Variants in CNTN1 observed in about 807,000 individuals in gnomAD.
CNTN1 encodes the protein contactin 1, also known as contactin-1.
A neutral mutation model predicts 126.4 loss-of-function variants in CNTN1; 38 were observed. The ratio of observed to expected loss-of-function variants is 0.30; its 90% CI spans 0.23 to 0.39. The LOEUF (loss-of-function observed/expected upper bound fraction) is 0.39. Among genes scored for constraint, CNTN1 ranks in the 10% least tolerant of loss-of-function variants. The pLI, the probability that CNTN1 is intolerant of heterozygous loss-of-function variation, is 1.00. For missense variants in CNTN1, 1,009 were observed against 1,248.4 expected (o/e 0.81, Z 2.89); for synonymous variants, 413 against 422.6 (o/e 0.98, Z 0.28).
chr12:40,893,628 C>T (rs1297861658), intron 1 of CNTN1, among the ~76,000 whole-genome samples: 1 of 152,076 alleles, frequency 6.6e-6, no homozygotes, highest in East Asian at 1.9e-4. Flanking sequence ...TTACTGCTTC[C>T]TCCCCTTATT....
intron 1 of CNTN1, among the ~76,000 whole-genome samples, chr12:40,839,145 T>C (rs1241727667): frequency 6.6e-6 from 1 of 152,106 alleles, no homozygotes; most frequent in Non-Finnish European, 1.5e-5. Context: ...CATTTGAAAG[T>C]ATCAAAACTG....
chr12:40,819,001 G>C (rs1257519549), intron 1 of CNTN1, among the ~76,000 whole-genome samples: 1 of 152,134 alleles, frequency 6.6e-6, no homozygotes, highest in African/African-American at 2.4e-5. Context: ...ATTCACTCCT[G>C]TGCCTGCAGA....
chr12:40,706,635 A>G (rs1206169965), intron 1 of CNTN1, among the ~76,000 whole-genome samples: 1 of 110,428 alleles, frequency 9.1e-6, no homozygotes, highest in Non-Finnish European at 2.0e-5. Context: ...AAGTAAACAA[A>G]GAGAATATTT....
chr12:41,045,791 AAAAT>A (rs1949527660), intron 23 of CNTN1, among the ~76,000 whole-genome samples: 1 of 152,268 alleles, frequency 6.6e-6, no homozygotes, highest in East Asian at 1.9e-4. Context: ...AGACCAAAAC[AAAAT>A]AAATAATTTA....
chr12:40,782,065 G>A (rs1421520468), intron 1 of CNTN1, among the ~76,000 whole-genome samples: 1 of 151,818 alleles, frequency 6.6e-6, no homozygotes, highest in Non-Finnish European at 1.5e-5. Context: ...AATTTTTGAA[G>A]TTTAATTTTG....
chr12:40,770,658 G>C (rs779530017), intron 1 of CNTN1, among the ~76,000 whole-genome samples: 5 of 152,068 alleles, frequency 3.3e-5, no homozygotes, highest in Non-Finnish European at 7.4e-5. Context: ...TTAGAGTCTA[G>C]ATGCCATATA....
chr12:40,768,025 A>G (rs1784455794), intron 1 of CNTN1, among the ~76,000 whole-genome samples: 1 of 151,146 alleles, frequency 6.6e-6, no homozygotes, highest in African/African-American at 2.4e-5. Flanking sequence ...TAAAGCTTAT[A>G]CATTTATAGA....
chr12:40,955,327 TA>T (rs1946836006), intron 14 of CNTN1, among the ~76,000 whole-genome samples: 1 of 152,086 alleles, frequency 6.6e-6, no homozygotes, highest in African/African-American at 2.4e-5. Flanking sequence ...TTACTACACA[TA>T]GGGGTGGGAA....
intron 1 of CNTN1, among the ~76,000 whole-genome samples, chr12:40,780,068 T>C (rs1424548744): frequency 6.6e-6 from 1 of 151,970 alleles, no homozygotes; most frequent in Non-Finnish European, 1.5e-5. Flanking sequence ...CCGAAGTGTG[T>C]TCTCTTTTTA....
chr12:41,036,580 T>C (rs1467883942), intron 23 of CNTN1, among the ~76,000 whole-genome samples: 1 of 152,146 alleles, frequency 6.6e-6, no homozygotes, highest in Non-Finnish European at 1.5e-5. Flanking sequence ...GTTGAAGTGA[T>C]ATGATGATGA....
chr12:40,807,864 G>A (rs189640922), intron 1 of CNTN1, among the ~76,000 whole-genome samples: 45 of 152,146 alleles, frequency 3.0e-4, no homozygotes, highest in African/African-American at 1.1e-3. Context: ...ATCTCTTAAT[G>A]TCTTTTAATA....
intron 17 of CNTN1, among the ~76,000 whole-genome samples, chr12:40,998,351 G>C (rs890247559): frequency 7.2e-5 from 11 of 152,020 alleles, no homozygotes; most frequent in African/African-American, 2.7e-4. Flanking sequence ...TTCCCCAACT[G>C]ACTTATTCTT....
intron 1 of CNTN1, among the ~76,000 whole-genome samples, chr12:40,827,881 A>T (rs944507797): frequency 6.6e-6 from 1 of 152,220 alleles, no homozygotes; most frequent in African/African-American, 2.4e-5. Flanking sequence ...TGAATTATGC[A>T]TGCAGCGCTC....
chr12:41,020,836 C>T (rs186986688), intron 20 of CNTN1, among the ~76,000 whole-genome samples: 5 of 152,216 alleles, frequency 3.3e-5, no homozygotes, highest in South Asian at 2.1e-4. Flanking sequence ...AGTTCCATTT[C>T]GAAAAGTCCC....
chr12:41,044,475 T>C (rs1028634587), intron 23 of CNTN1, among the ~76,000 whole-genome samples: 6 of 152,146 alleles, frequency 3.9e-5, no homozygotes, highest in Non-Finnish European at 7.4e-5. Context: ...TAAGGATTGG[T>C]TTACATCATT....
intron 14 of CNTN1, among the ~76,000 whole-genome samples, chr12:40,950,097 GGTGTGTGTGTGTGTGTGTGTGTGT>G (rs59713493): frequency 9.6e-5 from 14 of 145,332 alleles, no homozygotes; most frequent in African/African-American, 3.6e-4. Flanking sequence ...GTGTTGAGAG[GGTGTGTGTGTGTGTGTGTGTGTGT>G]GTGTGTGTGT....
chr12:40,767,739 C>T lies in CNTN1; in HGVS notation c.-77+75147C>T, dbSNP rs561400737. Among the ~76,000 whole-genome samples the T allele has an allele frequency of 5.1e-4, 77 of 152,178 alleles. 1 individual carries two copies. The South Asian group carries it at 0.015, about 30-fold the overall frequency. On this transcript the variant is annotated intron_variant, in intron 1 of 23. Transcript: ENST00000551295. Reference sequence around the variant, plus strand: ...AGCTCCACCTCCCGGGTCTACTGACCTTTCTTTATATGTTACTTAAATACT... The same window carrying T: ...AGCTCCACCTCCCGGGTCTACTGACTTTTCTTTATATGTTACTTAAATACT...
chr12:40,813,058 T>TCTTTCTTTCTTCCTTC (rs71078274), intron 1 of CNTN1, among the ~76,000 whole-genome samples: 33 of 104,762 alleles, frequency 3.2e-4, no homozygotes, highest in African/African-American at 1.1e-3. Flanking sequence ...TTTCTTTCTT[T>TCTTTCTTTCTTCCTTC]CTTCCTTCCT....
chr12:41,017,300 G>A (rs1394536592), intron 19 of CNTN1, among the ~76,000 whole-genome samples: 2 of 151,356 alleles, frequency 1.3e-5, no homozygotes, highest in Non-Finnish European at 1.5e-5. Flanking sequence ...GGCCGGGCGT[G>A]GTGGCGCATG....
Sources: gnomAD v4.1 joint callset for allele counts (sites outside exome capture counted in the v4.1 genomes callset) on GRCh38, gnomAD v4.1.1 for gene constraint, MANE v1.5 for transcripts, NCBI Gene and HGNC (gene_info 2026-07-23, HGNC 2026-07-21) for gene names.